Variants in AFG2A observed in about 807,000 individuals in gnomAD.
AFG2A encodes AAA ATPase AFG2A, also known as ATPase family gene 2 protein homolog A.
At chr4:123,141,041 T>C in the AFG2A span, among the ~76,000 whole-genome samples, 1 of 152,192 alleles carries the variant, frequency 6.6e-6, no homozygotes, top group African/African-American at 2.4e-5. Context: ...TTGCAACTAA[T>C]TTTGGACATA....
At chr4:123,261,970 AT>A in the AFG2A span, among the ~76,000 whole-genome samples, 1 of 140,908 alleles carries the variant, frequency 7.1e-6, no homozygotes, top group Non-Finnish European at 1.5e-5. Context: ...ATTTGTAGAC[AT>A]TGTCATGTTG....
the AFG2A span, among the ~76,000 whole-genome samples, chr4:123,074,409 A>G: frequency 2.8e-5 from 4 of 142,196 alleles, no homozygotes; most frequent in Middle Eastern, 4.0e-3. Flanking sequence ...TGGATTACAT[A>G]TGTCTTTTGC....
At chr4:123,056,691 A>G in the AFG2A span, among the ~76,000 whole-genome samples, 1 of 152,254 alleles carries the variant, frequency 6.6e-6, no homozygotes, top group Non-Finnish European at 1.5e-5. Flanking sequence ...TGATAATAAT[A>G]GCCAGCATTT....
chr4:123,251,099 AT>A, the AFG2A span, among the ~76,000 whole-genome samples: 1 of 152,222 alleles, frequency 6.6e-6, no homozygotes, highest in Non-Finnish European at 1.5e-5. Context: ...GCTAAAAAAA[AT>A]AAATAAATAA....
chr4:123,102,288 A>T, the AFG2A span: 1 of 87,746 alleles, frequency 1.1e-5, no homozygotes, highest in African/African-American at 4.2e-5. Context: ...TAACCATGTG[A>T]TTTTCAGAAA....
At chr4:122,945,289 A>T in the AFG2A span, among the ~76,000 whole-genome samples, 1 of 152,204 alleles carries the variant, frequency 6.6e-6, no homozygotes, top group Non-Finnish European at 1.5e-5. Context: ...GGTGGGCTCC[A>T]CCCAGTTCAA....
chr4:123,197,519 G>A, the AFG2A span, among the ~76,000 whole-genome samples: 5 of 151,916 alleles, frequency 3.3e-5, no homozygotes, highest in African/African-American at 9.7e-5. Context: ...CCTGTAATCC[G>A]AGCACTTTGG....
At chr4:123,218,681 A>G in the AFG2A span, among the ~76,000 whole-genome samples, 8 of 151,390 alleles carry the variant, frequency 5.3e-5, no homozygotes, top group Non-Finnish European at 8.8e-5. Context: ...ACATACATAC[A>G]TACATACATA....
At chr4:123,219,026 G>A in the AFG2A span, among the ~76,000 whole-genome samples, 1 of 152,324 alleles carries the variant, frequency 6.6e-6, no homozygotes, top group African/African-American at 2.4e-5. Flanking sequence ...TGGCTCATGT[G>A]ATAACACTGT....
chr4:123,046,175 G>T, the AFG2A span, among the ~76,000 whole-genome samples: 2 of 151,966 alleles, frequency 1.3e-5, no homozygotes, highest in Non-Finnish European at 2.9e-5. Flanking sequence ...CGTTTTTATG[G>T]GATCATAAAT....
the AFG2A span, among the ~76,000 whole-genome samples, chr4:122,960,886 A>AT: frequency 6.6e-6 from 1 of 152,108 alleles, no homozygotes. Flanking sequence ...TGTTTCTAAT[A>AT]TTTTTTACTA....
chr4:123,309,819 A>C, the AFG2A span, among the ~76,000 whole-genome samples: 104,992 of 152,096 alleles, frequency 0.69, 38,379 homozygotes, highest in Non-Finnish European at 0.81. Flanking sequence ...GTCTGGTCCC[A>C]AGCATTTCAG....
chr4:123,007,550 ATGTGTGTGTGTGTGTATATGTG>A, the AFG2A span, among the ~76,000 whole-genome samples: 15 of 89,616 alleles, frequency 1.7e-4, no homozygotes, highest in Non-Finnish European at 3.3e-4. Context: ...ATGTGTATGT[ATGTGTGTGTGTGTGTATATGTG>A]TGTGTGTGTG....
the AFG2A span, among the ~76,000 whole-genome samples, chr4:123,224,944 C>T: frequency 6.6e-6 from 1 of 152,168 alleles, no homozygotes; most frequent in Non-Finnish European, 1.5e-5. Flanking sequence ...TTTTGATTTG[C>T]ATTTCTCTGA....
At chr4:123,016,886 G>A in the AFG2A span, among the ~76,000 whole-genome samples, 3 of 152,180 alleles carry the variant, frequency 2.0e-5, no homozygotes, top group Non-Finnish European at 2.9e-5. Context: ...TCGGGACGCC[G>A]AGGCTGGCGG....
the AFG2A span, among the ~76,000 whole-genome samples, chr4:123,018,761 G>A: frequency 6.6e-6 from 1 of 151,198 alleles, no homozygotes. Context: ...AGCCTCTTGA[G>A]TAGCTGGGAT....
At chr4:123,022,698 G>T in the AFG2A span, among the ~76,000 whole-genome samples, 10 of 151,222 alleles carry the variant, frequency 6.6e-5, no homozygotes, top group Middle Eastern at 6.8e-3. Context: ...TATACCCAAA[G>T]GACTATAAAT....
At chr4:123,210,067 T>TGAAGATA in the AFG2A span, among the ~76,000 whole-genome samples, 4 of 152,156 alleles carry the variant, frequency 2.6e-5, no homozygotes, top group South Asian at 4.1e-4. Flanking sequence ...TCAGAGTCTC[T>TGAAGATA]AACAGGACCC....
the AFG2A span, among the ~76,000 whole-genome samples, chr4:123,312,738 C>T: frequency 1.3e-5 from 2 of 152,294 alleles, no homozygotes; most frequent in East Asian, 3.9e-4. Flanking sequence ...TTAACTTCGG[C>T]GCTCATTAAT....
Sources: allele counts gnomAD v4.1 joint callset (sites outside exome capture counted in the v4.1 genomes callset), GRCh38; gene constraint gnomAD v4.1.1; transcripts MANE v1.5; gene names NCBI Gene and HGNC (gene_info 2026-07-23, HGNC 2026-07-21).